The following GRIK2 variants were observed in gnomAD, a reference collection of about 807,000 sequenced individuals.
GRIK2 encodes the protein glutamate ionotropic receptor kainate type subunit 2.
A neutral mutation model predicts 100.3 loss-of-function variants in GRIK2; 32 were observed. The observed-to-expected ratio is 0.32, with a 90% CI of 0.24 to 0.43. The LOEUF (loss-of-function observed/expected upper bound fraction) is 0.43, where lower values mean the gene tolerates loss of function less well. Among genes scored for constraint, GRIK2 ranks in the 20% least tolerant of loss-of-function variants. GRIK2 has a pLI of 1.00. For missense variants in GRIK2, 843 were observed against 1,114.9 expected (o/e 0.76, Z 3.47); for synonymous variants, 417 against 389.4 (o/e 1.07, Z -0.83).
At position 101,595,712 on chromosome 6, in the gene GRIK2, G is replaced by GTATA. The variant is rs1162539380; in HGVS notation, c.116-26236_116-26235insATAT. Among the ~76,000 whole-genome samples the GTATA allele has an allele frequency of 2.7e-3, 352 of 131,522 alleles. 2 individuals carry two copies. Among genetic ancestry groups the GTATA allele is most frequent in the African/African-American group, 9.8e-3 (327 of 33,318 alleles). The allele number at this position is 131,522 out of a possible 152,430, so 86.3% of individuals were successfully genotyped here. A position where few individuals can be genotyped will look rare whatever the true frequency, so the allele number is the denominator to read the frequency against. ...TGTATATATATATGTGTGTGTGTGT[G>GTATA]TGTGTGTATATATATATATATATAT... On this transcript the variant is annotated intron_variant, in intron 2 of 16. Transcript: ENST00000369134.
chr6:101,993,555 AC>A (rs1287722000), intron 14 of GRIK2: 1 of 151,076 alleles, frequency 6.6e-6, no homozygotes, highest in Non-Finnish European at 1.5e-5. Flanking sequence ...TTCATAAGCA[AC>A]CATAAATTTG....
intron 2 of GRIK2, among the ~76,000 whole-genome samples, chr6:101,533,386 CA>C (rs937635771): frequency 9.1e-4 from 133 of 146,790 alleles, no homozygotes; most frequent in Non-Finnish European, 1.5e-3. Flanking sequence ...TCAATTAGAA[CA>C]AAAAAAAGCA....
At chr6:101,524,767 T>C (rs1047626535) in intron 2 of GRIK2, among the ~76,000 whole-genome samples, 2 of 151,664 alleles carry the variant, frequency 1.3e-5, no homozygotes, top group Non-Finnish European at 1.5e-5. Context: ...GTTTCGCTCT[T>C]GTTGCCCAGG....
intron 15 of GRIK2, among the ~76,000 whole-genome samples, chr6:102,050,924 A>G (rs1338701652): frequency 6.6e-6 from 1 of 152,154 alleles, no homozygotes; most frequent in African/African-American, 2.4e-5. Context: ...ACTGTTTATA[A>G]TAATCACAGT....
At chr6:102,041,371 GC>G (rs1484563446) in intron 15 of GRIK2, among the ~76,000 whole-genome samples, 2 of 151,618 alleles carry the variant, frequency 1.3e-5, no homozygotes, top group African/African-American at 4.8e-5. Context: ...AGATCAGTTA[GC>G]CACAGACTGT....
At chr6:101,806,637 T>TTC (rs1781025242) in intron 9 of GRIK2, among the ~76,000 whole-genome samples, 1 of 151,754 alleles carries the variant, frequency 6.6e-6, no homozygotes, top group African/African-American at 2.4e-5. Context: ...TTTTTTTTTT[T>TTC]TTCTCATTTC....
intron 2 of GRIK2, among the ~76,000 whole-genome samples, chr6:101,424,173 T>A (rs1325434080): frequency 2.1e-5 from 3 of 143,642 alleles, no homozygotes; most frequent in African/African-American, 8.8e-5. Context: ...ATTTTTTTTA[T>A]TTTTTTTTAT....
intron 7 of GRIK2, among the ~76,000 whole-genome samples, chr6:101,740,832 A>G (rs1300823455): frequency 6.6e-6 from 1 of 152,172 alleles, no homozygotes; most frequent in Admixed American, 6.5e-5. Flanking sequence ...GTTAACTAAT[A>G]GAGCAAGAAC....
intron 10 of GRIK2, among the ~76,000 whole-genome samples, chr6:101,845,540 A>C (rs1037690842): frequency 6.6e-6 from 1 of 152,146 alleles, no homozygotes; most frequent in African/African-American, 2.4e-5. Flanking sequence ...CATATTCATC[A>C]TTTAGTTTAT....
intron 14 of GRIK2, among the ~76,000 whole-genome samples, chr6:101,985,088 A>C (rs1793946091): frequency 6.6e-6 from 1 of 151,726 alleles, no homozygotes; most frequent in Admixed American, 6.6e-5. Flanking sequence ...ATAGAGAATA[A>C]GCAATTGAAG....
Position 101,424,857 on chromosome 6 carries a change from GT to G in GRIK2, c.115+25468del, listed in dbSNP as rs1191463664. On this transcript the variant is annotated intron_variant, in intron 2 of 16. Transcript: ENST00000369134. ...TTGCGATAGTTTGCTGAGAATGATG[GT>G]TTCCAGCTTCATCCATGTCCCTACA... Among the ~76,000 whole-genome samples the G allele has an allele frequency of 4.6e-5, 7 of 151,786 alleles. No homozygotes were observed. The East Asian group carries it at 1.4e-3, about 30-fold the overall frequency.
intron 7 of GRIK2, among the ~76,000 whole-genome samples, chr6:101,746,817 A>T (rs553452178): frequency 1.3e-5 from 2 of 152,280 alleles, no homozygotes; most frequent in South Asian, 4.1e-4. Context: ...ACTCCCAAAC[A>T]CACCCATATA....
At chr6:101,581,193 CAT>C (rs1390339334) in intron 2 of GRIK2, among the ~76,000 whole-genome samples, 4 of 148,392 alleles carry the variant, frequency 2.7e-5, no homozygotes, top group East Asian at 1.9e-4. Context: ...CACACACACA[CAT>C]ATATATACGC....
At chr6:102,019,483 T>C (rs1209063763) in intron 14 of GRIK2, among the ~76,000 whole-genome samples, 2 of 152,038 alleles carry the variant, frequency 1.3e-5, no homozygotes, top group African/African-American at 4.8e-5. Context: ...ATGCTCACAT[T>C]TTATCCTGAG....
At chr6:101,662,247 G>T (rs1433145315) in intron 4 of GRIK2, among the ~76,000 whole-genome samples, 1 of 152,214 alleles carries the variant, frequency 6.6e-6, no homozygotes, top group African/African-American at 2.4e-5. Context: ...TGTGTGAACT[G>T]TGAAGCAGAG....
At position 101,917,588 on chromosome 6, in the gene GRIK2, T is replaced by C. The variant is rs575039781; in HGVS notation, c.1749-7013T>C. Among the ~76,000 whole-genome samples, 42 of 118,324 alleles carry C rather than the reference T, an allele frequency of 3.5e-4. 1 individual carries two copies. The highest frequency in any genetic ancestry group is 6.9e-4 in the Non-Finnish European group (35 of 50,818). The allele number at this position is 118,324 out of a possible 152,430, so 77.6% of individuals were successfully genotyped here. On this transcript the variant is annotated intron_variant, in intron 12 of 16. Transcript: ENST00000369134. ...GTTAGCATTACCTTGTCACTTGCCT[T>C]TTTTTTTTTAAGTTTGGATGATGTA...
intron 2 of GRIK2, among the ~76,000 whole-genome samples, chr6:101,591,300 C>G (rs1253902726): frequency 6.8e-6 from 1 of 146,696 alleles, no homozygotes; most frequent in Non-Finnish European, 1.5e-5. Flanking sequence ...TTTTTTTTTG[C>G]TCTTCTAATG....
intron 4 of GRIK2, among the ~76,000 whole-genome samples, chr6:101,654,837 A>C (rs1781983000): frequency 6.6e-6 from 1 of 152,108 alleles, no homozygotes; most frequent in South Asian, 2.1e-4. Context: ...CTCTGCTCTG[A>C]AATCTTTCCC....
chr6:101,564,785 T>C (rs1196762859), intron 2 of GRIK2, among the ~76,000 whole-genome samples: 1 of 152,156 alleles, frequency 6.6e-6, no homozygotes, highest in Admixed American at 6.6e-5. Context: ...TGTGATCCTC[T>C]TGGTGCAAAG....
Sources: allele counts gnomAD v4.1 joint callset (sites outside exome capture counted in the v4.1 genomes callset), GRCh38; gene constraint gnomAD v4.1.1; transcripts MANE v1.5; gene names NCBI Gene and HGNC (gene_info 2026-07-23, HGNC 2026-07-21).